The following NCKAP5 variants were observed in gnomAD, a reference collection of about 807,000 sequenced individuals.
NCKAP5 encodes nck-associated protein 5.
NCKAP5 carries 92 observed loss-of-function variants against 167.0 expected under a neutral mutation model. The ratio of observed to expected loss-of-function variants is 0.55; its 90% CI spans 0.47 to 0.66. The LOEUF is 0.66. Among genes scored for constraint, NCKAP5 ranks in the 30% least tolerant of loss-of-function variants. NCKAP5 has a pLI of 0.00. For synonymous variants in NCKAP5, 891 were observed against 877.4 expected (o/e 1.02, Z -0.27); for missense variants, 2,378 against 2,315.0 (o/e 1.03, Z -0.56).
chr2:132,819,671 T>C (rs1458186190), intron 11 of NCKAP5, among the ~76,000 whole-genome samples: 2 of 152,156 alleles, frequency 1.3e-5, no homozygotes, highest in East Asian at 3.9e-4. Flanking sequence ...TTAGATTTTT[T>C]TTTTTTTGGT....
At chr2:133,220,793 A>G (rs12474059) in intron 4 of NCKAP5, among the ~76,000 whole-genome samples, 58,895 of 151,914 alleles carry the variant, frequency 0.39, 11,672 homozygotes, top group Non-Finnish European at 0.41. Flanking sequence ...ATCTGTTGCG[A>G]GAGTGTCCCA....
chr2:132,878,959 GT>G, intron 8 of NCKAP5, 43 bp from the exon 9 acceptor site: 1 of 1,470,678 alleles, frequency 6.8e-7, no homozygotes, highest in Non-Finnish European at 9.5e-7. Context: ...TCAATGAAAT[GT>G]TGTGTTATGT....
At chr2:133,400,180 C>T (rs1360362383) in intron 3 of NCKAP5, among the ~76,000 whole-genome samples, 2 of 152,052 alleles carry the variant, frequency 1.3e-5, no homozygotes, top group African/African-American at 4.8e-5. Flanking sequence ...TAATGAGGAT[C>T]ACAATTTTTA....
chr2:132,883,931 A>G (rs1388838140), intron 8 of NCKAP5, among the ~76,000 whole-genome samples: 6 of 152,214 alleles, frequency 3.9e-5, no homozygotes, highest in African/African-American at 1.4e-4. Flanking sequence ...CTTAGGAGAA[A>G]TGATTGAACC....
chr2:133,116,591 A>C (rs547054502), intron 6 of NCKAP5, among the ~76,000 whole-genome samples: 1 of 152,210 alleles, frequency 6.6e-6, no homozygotes, highest in South Asian at 2.1e-4. Context: ...AAGACACTGG[A>C]AGAAAAAACT....
chr2:133,643,398 T>G, the NCKAP5 span, among the ~76,000 whole-genome samples: 3 of 152,160 alleles, frequency 2.0e-5, no homozygotes, highest in Admixed American at 2.0e-4. Context: ...TAGCAAACTT[T>G]CTCTTCCTCC....
rs193148071 is a variant in NCKAP5, at chr2:133,050,275, G to T, written c.342-56036C>A. On this transcript the variant is annotated intron_variant, in intron 6 of 19. Coordinates refer to ENST00000409261, the MANE Select transcript of NCKAP5 (RefSeq NM_207363.3). ...CCATAGAGACATATTAACTGACTGT[G>T]TATAGAAGATTCAGTGGGTGGGAAG... Among the ~76,000 whole-genome samples, 41 of 152,034 alleles carry T rather than the reference G, an allele frequency of 2.7e-4. No homozygotes were observed. In the East Asian group the frequency reaches 7.6e-3, roughly 28 times the overall value.
chr2:133,622,907 T>A, the NCKAP5 span, among the ~76,000 whole-genome samples: 2 of 152,128 alleles, frequency 1.3e-5, no homozygotes, highest in South Asian at 4.1e-4. Context: ...AACTATACTA[T>A]AAGGCCCTAG....
chr2:132,742,586 A>G (rs1679299570), intron 16 of NCKAP5, among the ~76,000 whole-genome samples: 1 of 151,938 alleles, frequency 6.6e-6, no homozygotes, highest in Admixed American at 6.6e-5. Context: ...TACTGTAATT[A>G]CAGATATTTA....
At chr2:132,730,779 C>G (rs1419105277) in intron 17 of NCKAP5, among the ~76,000 whole-genome samples, 1 of 152,168 alleles carries the variant, frequency 6.6e-6, no homozygotes, top group African/African-American at 2.4e-5. Context: ...ACACATTTAT[C>G]TCAAAAATAA....
intron 4 of NCKAP5, among the ~76,000 whole-genome samples, chr2:133,252,409 T>G (rs527290356): frequency 1.3e-5 from 2 of 152,282 alleles, no homozygotes; most frequent in Admixed American, 1.3e-4. Context: ...GGGCTCTCTT[T>G]CTAGTCACAG....
Position 132,859,828 on chromosome 2 carries a change from G to C in NCKAP5, c.807+664C>G, listed in dbSNP as rs890941996. Reference sequence around the variant, plus strand: ...GGAAACAGCAAAGGTCAGCCCTGCAGACCCCTCTCCCCATTCATATGTTTC... The same window carrying C: ...GGAAACAGCAAAGGTCAGCCCTGCACACCCCTCTCCCCATTCATATGTTTC... On this transcript the variant is annotated intron_variant, in intron 11 of 19. Transcript: ENST00000409261. Among the ~76,000 whole-genome samples the C allele has an allele frequency of 4.6e-5, 7 of 152,156 alleles. No homozygotes were observed. The South Asian group carries it at 1.4e-3, about 32-fold the overall frequency.
chr2:133,635,045 T>A, the NCKAP5 span, among the ~76,000 whole-genome samples: 1 of 152,020 alleles, frequency 6.6e-6, no homozygotes, highest in Non-Finnish European at 1.5e-5. Flanking sequence ...AACTAATTTT[T>A]GTATTTTTAG....
chr2:132,814,129 C>G (rs4953859), intron 11 of NCKAP5, among the ~76,000 whole-genome samples: 6,837 of 152,300 alleles, frequency 0.045, 314 homozygotes, highest in East Asian at 0.13. Context: ...CCCACTGTCT[C>G]ACTTCCCTTG....
chr2:133,434,041 T>A (rs182909381), intron 3 of NCKAP5: 4 of 152,184 alleles, frequency 2.6e-5, no homozygotes, highest in African/African-American at 4.8e-5. Flanking sequence ...TACTTATACA[T>A]GATTTCCAGA....
intron 4 of NCKAP5, among the ~76,000 whole-genome samples, chr2:133,282,582 T>C (rs1450666451): frequency 6.6e-6 from 1 of 152,122 alleles, no homozygotes; most frequent in Non-Finnish European, 1.5e-5. Flanking sequence ...GAACTTAGGG[T>C]GTGGTCATAT....
At chr2:132,864,174 T>C (rs16842729) in intron 10 of NCKAP5, among the ~76,000 whole-genome samples, 43,118 of 152,072 alleles carry the variant, frequency 0.28, 6,717 homozygotes, top group East Asian at 0.45. Context: ...GAGGCTGTAC[T>C]ATGTATCCTC....
chr2:133,565,527 G>T (rs1406396066), intron 1 of NCKAP5, among the ~76,000 whole-genome samples: 1 of 152,230 alleles, frequency 6.6e-6, no homozygotes, highest in Admixed American at 6.5e-5. Context: ...GCAGAAGCAG[G>T]ACTTGAGCCT....
intron 19 of NCKAP5, among the ~76,000 whole-genome samples, chr2:132,684,491 T>C (rs1404341622): frequency 6.6e-6 from 1 of 152,218 alleles, no homozygotes; most frequent in Non-Finnish European, 1.5e-5. Context: ...AGCTGTCCTT[T>C]TAAAATTCAG....
Sources: allele counts gnomAD v4.1 joint callset (sites outside exome capture counted in the v4.1 genomes callset), GRCh38; gene constraint gnomAD v4.1.1; transcripts MANE v1.5; gene names NCBI Gene and HGNC (gene_info 2026-07-23, HGNC 2026-07-21).